Variants in RGS7 observed in about 807,000 individuals in gnomAD.
RGS7 encodes regulator of G-protein signaling 7.
A neutral mutation model predicts 81.1 loss-of-function variants in RGS7; 27 were observed. The observed-to-expected ratio is 0.33, with a 90% confidence interval of 0.25 to 0.46. The LOEUF (loss-of-function observed/expected upper bound fraction) is 0.46, where lower values mean the gene tolerates loss of function less well. RGS7 is among the 20% of genes least tolerant of loss of function. The probability of loss-of-function intolerance (pLI) is 1.00; values close to 1 mark genes in which losing one functional copy is unlikely to be tolerated. For missense variants in RGS7, 396 were observed against 607.4 expected, an observed-to-expected ratio of 0.65 and a Z score of 3.66; for synonymous variants, 208 against 207.7, an observed-to-expected ratio of 1.00 and a Z score of -0.01.
At chr1:241,266,055 A>G (rs2077577309) in intron 2 of RGS7, among the ~76,000 whole-genome samples, 2 of 151,922 alleles carry the variant, frequency 1.3e-5, no homozygotes, top group African/African-American at 4.8e-5. Flanking sequence ...CGGCCTCCCA[A>G]AGTGCTGGGA....
At chr1:241,125,382 C>T (rs939596136) in intron 2 of RGS7, among the ~76,000 whole-genome samples, 3 of 151,948 alleles carry the variant, frequency 2.0e-5, no homozygotes. Context: ...GTCTTTGACC[C>T]TTTTTCCTCC....
At chr1:241,236,499 T>C (rs544003104) in intron 2 of RGS7, among the ~76,000 whole-genome samples, 1 of 152,258 alleles carries the variant, frequency 6.6e-6, no homozygotes, top group African/African-American at 2.4e-5. Context: ...TAGTATGGTG[T>C]TTATTTCTTG....
chr1:240,867,997 T>TTA (rs1663633095), intron 9 of RGS7, among the ~76,000 whole-genome samples: 1 of 105,894 alleles, frequency 9.4e-6, no homozygotes, highest in Non-Finnish European at 1.8e-5. Flanking sequence ...CCAGATCCCA[T>TTA]AAAAAAAGAG....
intron 2 of RGS7, among the ~76,000 whole-genome samples, chr1:241,345,274 A>C (rs1017305670): frequency 6.6e-6 from 1 of 152,214 alleles, no homozygotes; most frequent in African/African-American, 2.4e-5. Flanking sequence ...CAGGAAAAAT[A>C]ACTATTGGGT....
At chr1:241,132,419 G>A (rs1341855053) in intron 2 of RGS7, 1 of 154,070 alleles carries the variant, frequency 6.5e-6, no homozygotes, top group African/African-American at 2.4e-5. Context: ...GGATGGATGT[G>A]ACAGACAGGA....
intron 14 of RGS7, 131 bp downstream of exon 14, chr1:240,811,787 C>G: frequency 2.3e-6 from 2 of 862,816 alleles, no homozygotes. Context: ...CATTAGGTGG[C>G]AGAAATTCAA....
At chr1:240,822,522 T>C (rs1691995512) in intron 10 of RGS7, among the ~76,000 whole-genome samples, 1 of 152,222 alleles carries the variant, frequency 6.6e-6, no homozygotes, top group South Asian at 2.1e-4. Flanking sequence ...GTTTCTTCCC[T>C]GTAGGTTTAT....
chr1:240,941,486 C>T (rs1436522731), intron 4 of RGS7, among the ~76,000 whole-genome samples: 2 of 151,950 alleles, frequency 1.3e-5, no homozygotes, highest in Non-Finnish European at 2.9e-5. Context: ...TCAATATTTG[C>T]TAAATCAATG....
At chr1:241,043,113 C>T (rs572111648) in intron 3 of RGS7, among the ~76,000 whole-genome samples, 1 of 152,250 alleles carries the variant, frequency 6.6e-6, no homozygotes, top group East Asian at 1.9e-4. Flanking sequence ...TACTAGTCCA[C>T]TCATTCTACA....
intron 18 of RGS7, among the ~76,000 whole-genome samples, chr1:240,800,206 G>A (rs894324612): frequency 5.3e-5 from 8 of 152,072 alleles, no homozygotes; most frequent in Non-Finnish European, 8.8e-5. Flanking sequence ...GACTTATGAG[G>A]CATGCTTCAG....
intron 4 of RGS7, among the ~76,000 whole-genome samples, chr1:240,962,912 G>A (rs1681695487): frequency 6.6e-6 from 1 of 152,126 alleles, no homozygotes; most frequent in Non-Finnish European, 1.5e-5. Flanking sequence ...ATATCAAAAA[G>A]GGTTTTAAAT....
chr1:241,193,077 A>G (rs1006660198), intron 2 of RGS7, among the ~76,000 whole-genome samples: 4 of 152,216 alleles, frequency 2.6e-5, no homozygotes, highest in African/African-American at 9.6e-5. Flanking sequence ...CTAGGATAGG[A>G]TTTAAAATGT....
At chr1:240,973,487 G>A (rs1175908089) in intron 4 of RGS7, among the ~76,000 whole-genome samples, 1 of 151,482 alleles carries the variant, frequency 6.6e-6, no homozygotes, top group African/African-American at 2.4e-5. Context: ...TCTAGCCTGG[G>A]TGACAGAGCA....
rs577116288 is a variant in RGS7 at position 241,292,734 on chromosome 1, A to C, written c.78+62965T>G. 9.7e-4 allele frequency among the ~76,000 whole-genome samples: 148 copies of C among 152,334 alleles called. 1 individual carries two copies. Among genetic ancestry groups the C allele is most frequent in the Middle Eastern group, 3.4e-3 (1 of 294 alleles). ...GGCCAAGCAGCCTAATCTGTCGTGA[A>C]CATTCCTCTTCCCCCCAAAAATAAA... is the stretch of plus-strand genomic sequence containing the variant. On this transcript the variant is annotated intron_variant, in intron 2 of 18. Transcript: ENST00000440928.
At chr1:241,219,885 G>C (rs369244984) in intron 2 of RGS7, among the ~76,000 whole-genome samples, 21 of 152,282 alleles carry the variant, frequency 1.4e-4, no homozygotes, top group Middle Eastern at 3.4e-3. Flanking sequence ...AAAGCCACCA[G>C]TTGGAAGGAT....
intron 9 of RGS7, among the ~76,000 whole-genome samples, chr1:240,862,925 ATGTGTGTGTGTG>A (rs150023240): frequency 5.6e-4 from 81 of 144,652 alleles, no homozygotes; most frequent in Admixed American, 2.4e-3. Context: ...TAAACTAAAT[ATGTGTGTGTGTG>A]TGTGTGTGTG....
chr1:241,334,055 ATATATG>A (rs66903901), intron 2 of RGS7, among the ~76,000 whole-genome samples: 27,673 of 150,710 alleles, frequency 0.18, 2,697 homozygotes, highest in East Asian at 0.29. Context: ...ATATACATAC[ATATATG>A]TATATGTATA....
chr1:241,088,027 CATATATATATACACACAT>C (rs1322385138), intron 3 of RGS7, among the ~76,000 whole-genome samples: 6 of 90,336 alleles, frequency 6.6e-5, no homozygotes, highest in East Asian at 6.0e-4. Context: ...TACACACACA[CATATATATATACACACAT>C]ATATATATAT....
At chr1:241,070,177 G>A (rs1419014585) in intron 3 of RGS7, among the ~76,000 whole-genome samples, 1 of 152,184 alleles carries the variant, frequency 6.6e-6, no homozygotes, top group Non-Finnish European at 1.5e-5. Context: ...GGAAACATGA[G>A]TAGAAGAAAG....
Sources: gnomAD v4.1 joint callset for allele counts (sites outside exome capture counted in the v4.1 genomes callset) on GRCh38, gnomAD v4.1.1 for gene constraint, MANE v1.5 for transcripts, NCBI Gene and HGNC (gene_info 2026-07-23, HGNC 2026-07-21) for gene names.